TENM4: variants seen among roughly 807,000 people sequenced by gnomAD.
TENM4 encodes teneurin transmembrane protein 4.
Under a neutral mutation model 243.3 loss-of-function variants are expected in TENM4, and 82 were observed. That is an observed-to-expected ratio of 0.34 (90% CI 0.28 to 0.40). The LOEUF (loss-of-function observed/expected upper bound fraction) is 0.40, where lower values mean the gene tolerates loss of function less well. TENM4 is among the 10% of genes least tolerant of loss of function. The pLI is 1.00. For missense variants in TENM4, 3,138 were observed against 3,673.3 expected, an observed-to-expected ratio of 0.85 and a Z score of 3.77; for synonymous variants, 1,412 against 1,456.3, an observed-to-expected ratio of 0.97 and a Z score of 0.69.
At chr11:79,349,691 A>C (rs985942653) in intron 1 of TENM4, among the ~76,000 whole-genome samples, 1 of 152,220 alleles carries the variant, frequency 6.6e-6, no homozygotes, top group Non-Finnish European at 1.5e-5. Flanking sequence ...ATTGTGGAAA[A>C]AATAAGGCAG....
rs377415389 is a variant in TENM4, at chr11:78,787,025, G to A, written c.2238C>T (p.Cys746=). The A allele has an allele frequency of 1.5e-4, 237 of 1,559,206 alleles. 1 individual carries two copies. The African/African-American group carries it at 1.7e-3, about 11-fold the overall frequency. ...HGVCVGGTCR[C]EDGWMGAACD... ...AGGCTGCCCCCATCCAGCCATCCTC[G>A]CAGCGGCAGGTGCCCCCTACGCACA... Residue 746 remains cysteine (C), a synonymous_variant, in exon 16 of 34, where the codon TGC becomes TGT. Transcript: ENST00000278550.
intron 2 of TENM4, among the ~76,000 whole-genome samples, chr11:79,287,156 A>C (rs1370645745): frequency 6.6e-6 from 1 of 152,260 alleles, no homozygotes; most frequent in African/African-American, 2.4e-5. Context: ...CCTACTTTAT[A>C]AACGAGAAGA....
rs1031772178 is a variant in TENM4, at chr11:78,812,382, T to C, written c.1784-66A>G. 19 of 1,512,374 alleles carry C rather than the reference T, an allele frequency of 1.3e-5. No individual in the cohort carries two copies. The East Asian group carries it at 2.7e-4, about 22-fold the overall frequency. The allele number at this position is 1,512,374 out of a possible 1,614,324, so 93.7% of individuals were successfully genotyped here. Reference sequence around the variant, plus strand: ...AGCACACCCCAACTGCCTTTGTCTCTTTCTCCTCCTGGCCTGCCTGGCTTC... The same window carrying C: ...AGCACACCCCAACTGCCTTTGTCTCCTTCTCCTCCTGGCCTGCCTGGCTTC... On this transcript the variant is annotated intron_variant, in intron 13 of 33. Coordinates refer to ENST00000278550, the MANE Select transcript of TENM4 (RefSeq NM_001098816.3).
chr11:79,356,625 T>A (rs1857501037), intron 1 of TENM4, among the ~76,000 whole-genome samples: 1 of 152,158 alleles, frequency 6.6e-6, no homozygotes, highest in Admixed American at 6.5e-5. Context: ...GTGGGGTCAT[T>A]CAGAGGATCA....
chr11:79,109,290 C>T (rs376694433), intron 4 of TENM4, among the ~76,000 whole-genome samples: 53 of 152,280 alleles, frequency 3.5e-4, no homozygotes, highest in African/African-American at 1.2e-3. Context: ...AGTACAAGCA[C>T]TCGTGAAGCA....
At chr11:78,991,707 C>T (rs1591188613) in intron 6 of TENM4, among the ~76,000 whole-genome samples, 1 of 152,306 alleles carries the variant, frequency 6.6e-6, no homozygotes. Context: ...CAGGTGGCAC[C>T]TGGAAGCAAT....
chr11:79,021,923 G>A (rs1858940259), intron 6 of TENM4: 2 of 152,358 alleles, frequency 1.3e-5, no homozygotes. Context: ...TTGTCTTTGG[G>A]TTGAGCAAGT....
At chr11:78,847,281 T>C (rs941779136) in intron 12 of TENM4, among the ~76,000 whole-genome samples, 3 of 152,254 alleles carry the variant, frequency 2.0e-5, no homozygotes, top group African/African-American at 4.8e-5. Flanking sequence ...TCCTGCAGTG[T>C]CCTTGGGCTA....
intron 1 of TENM4, among the ~76,000 whole-genome samples, chr11:79,304,248 C>T (rs956358674): frequency 3.3e-5 from 5 of 152,134 alleles, no homozygotes; most frequent in Non-Finnish European, 7.3e-5. Context: ...TCTCTGCTCT[C>T]CCTGCTCACA....
At position 79,311,823 on chromosome 11, in the gene TENM4, G is replaced by A. The variant is rs184650576; in HGVS notation, c.-320-14280C>T. Among the ~76,000 whole-genome samples the A allele has an allele frequency of 2.4e-3, 366 of 152,258 alleles. 3 individuals carry two copies. The highest frequency in any genetic ancestry group is 4.3e-3 in the Non-Finnish European group (293 of 68,006). ...CCAAACCCTTCCAGGTTCTACCCCT[G>A]CCCACCTGTGTGAAACATTGCCCTG... On this transcript the variant is annotated intron_variant, in intron 1 of 33. Transcript: ENST00000278550.
intron 19 of TENM4, among the ~76,000 whole-genome samples, chr11:78,747,524 G>A (rs1856077477): frequency 6.6e-6 from 1 of 152,182 alleles, no homozygotes; most frequent in Non-Finnish European, 1.5e-5. Flanking sequence ...GACCCACAGG[G>A]TGGACTCACA....
chr11:78,668,539 G>C (rs1311898427), intron 32 of TENM4, among the ~76,000 whole-genome samples: 1 of 152,104 alleles, frequency 6.6e-6, no homozygotes, highest in Non-Finnish European at 1.5e-5. Flanking sequence ...TTGTGTGTCA[G>C]AAACTCCTAA....
At chr11:79,200,907 G>T (rs1863724924) in intron 3 of TENM4, among the ~76,000 whole-genome samples, 1 of 152,222 alleles carries the variant, frequency 6.6e-6, no homozygotes, top group South Asian at 2.1e-4. Flanking sequence ...ATCCAGGAGA[G>T]ATGCTTGTCA....
chr11:79,050,818 C>T (rs1471419357), intron 6 of TENM4, among the ~76,000 whole-genome samples: 1 of 152,150 alleles, frequency 6.6e-6, no homozygotes, highest in East Asian at 1.9e-4. Flanking sequence ...AGAGTTTCTT[C>T]CAGAAGAAGG....
chr11:79,169,799 A>T (rs1015126637), intron 3 of TENM4, among the ~76,000 whole-genome samples: 1 of 152,250 alleles, frequency 6.6e-6, no homozygotes, highest in Non-Finnish European at 1.5e-5. Flanking sequence ...TTGAGCATGC[A>T]TAAGGAGCTG....
At chr11:79,145,863 C>T (rs1167852631) in intron 4 of TENM4, among the ~76,000 whole-genome samples, 1 of 152,018 alleles carries the variant, frequency 6.6e-6, no homozygotes, top group Non-Finnish European at 1.5e-5. Context: ...TTTAATTTGT[C>T]ATTCCCTGAA....
intron 6 of TENM4, among the ~76,000 whole-genome samples, chr11:78,977,739 C>A (rs1387331252): frequency 2.6e-5 from 4 of 152,154 alleles, no homozygotes; most frequent in Non-Finnish European, 5.9e-5. Flanking sequence ...AAGAGGAAGG[C>A]TTTTACACTG....
chr11:78,835,023 T>C (rs547744489), intron 12 of TENM4, among the ~76,000 whole-genome samples: 1 of 152,300 alleles, frequency 6.6e-6, no homozygotes, highest in East Asian at 1.9e-4. Context: ...CTGGCATCTC[T>C]TGCTGGCTCT....
At position 78,661,493 on chromosome 11, in the gene TENM4, G is replaced by T; in HGVS notation, c.7507C>A (p.Leu2503Ile). The T allele has an allele frequency of 6.2e-7, 1 of 1,611,620 alleles. No individual in the cohort carries two copies. Among genetic ancestry groups the T allele is most frequent in the Non-Finnish European group, 8.5e-7 (1 of 1,178,926 alleles). ...TGCGTTTTCATCTGTGTGTGGATGA[G>T]CTCGTAGGAGGGTTCCATGGCATCC... ...DMDAMEPSYE[L>I]IHTQMKTQEW... is the part of the protein sequence containing the mutation. Residue 2503 changes from leucine to isoleucine, a missense_variant, in exon 33 of 34, where the codon CTC becomes ATC. Physicochemically the swap from Leu to Ile is conservative, Grantham distance 5. Coordinates refer to ENST00000278550, the MANE Select transcript of TENM4 (RefSeq NM_001098816.3).
Sources: gnomAD v4.1 joint callset for allele counts (sites outside exome capture counted in the v4.1 genomes callset) on GRCh38, gnomAD v4.1.1 for gene constraint, MANE v1.5 for transcripts, NCBI Gene and HGNC (gene_info 2026-07-23, HGNC 2026-07-21) for gene names.